Variants in MORF4L1 observed in about 807,000 individuals in gnomAD.
MORF4L1 encodes mortality factor 4 like 1.
Under a neutral mutation model 52.9 loss-of-function variants are expected in MORF4L1, and 4 were observed. That is an observed-to-expected ratio of 0.08 (90% CI 0.04 to 0.17). The LOEUF (loss-of-function observed/expected upper bound fraction) is 0.17. Ranked by LOEUF, MORF4L1 falls within the 10% of genes least tolerant of loss-of-function variation. MORF4L1 has a pLI of 1.00. For missense variants in MORF4L1, 214 were observed against 390.4 expected (o/e 0.55, Z 3.81); for synonymous variants, 123 against 134.8 (o/e 0.91, Z 0.61).
chr15:78,896,308 CTTTT>C lies in MORF4L1; in HGVS notation c.888-655_888-652del, dbSNP rs71148578. The stretch of plus-strand genomic sequence containing the variant: ...ATTTTTTTCTTTTTTCTTTTCTTTT[CTTTT>C]TTTTTTTTTTTTTTTTTTTGAGATG... On this transcript the variant is annotated intron_variant, in intron 11 of 11. Coordinates refer to ENST00000426013, the MANE Select transcript of MORF4L1 (RefSeq NM_006791.4). Among the ~76,000 whole-genome samples the C allele has an allele frequency of 2.3e-3, 188 of 81,450 alleles. 1 individual carries two copies. The East Asian group carries it at 0.03, about 13-fold the overall frequency. 53.4% of individuals were successfully genotyped at this position (81,450 alleles called of 152,430 possible). A position where few individuals can be genotyped will look rare whatever the true frequency, so the allele number is the denominator to read the frequency against.
At chr15:78,884,659 AT>A (rs369351786) in intron 3 of MORF4L1, among the ~76,000 whole-genome samples, 13,272 of 62,022 alleles carry the variant, frequency 0.21, 1,431 homozygotes, top group African/African-American at 0.27. Flanking sequence ...AAAAAAAAAA[AT>A]ACACACACAC....
chr15:78,884,437 C>G (rs1417881523), intron 3 of MORF4L1, among the ~76,000 whole-genome samples: 4 of 151,684 alleles, frequency 2.6e-5, no homozygotes, highest in Non-Finnish European at 5.9e-5. Flanking sequence ...GCTAGGAGTT[C>G]GAGACAAGCC....
Position 78,894,891 on chromosome 15 carries a change from C to T in MORF4L1, c.874C>T (p.His292Tyr). 6.2e-7 allele frequency: 1 copy of T among 1,612,094 alleles called. No individual in the cohort carries two copies. Among genetic ancestry groups the T allele is most frequent in the Non-Finnish European group, 8.5e-7 (1 of 1,178,178 alleles). ...KSLALLLNYLHDFLKYLAKNS... is the reference protein window; with the variant it reads ...KSLALLLNYLYDFLKYLAKNS... ...CCTTGCTTTATTACTCAATTATCTT[C>T]ACGATTTCCTAAAGTAAGTCTGTGC... is the stretch of plus-strand genomic sequence containing the variant. Residue 292 changes from histidine to tyrosine, a missense_variant, in exon 11 of 12, where the codon CAC becomes TAC. Physicochemically the swap from His to Tyr is moderately conservative, Grantham distance 83. This residue lies in a region of MORF4L1 where 68 missense variants were observed against 171.6 expected (regional missense o/e 0.40). Coordinates refer to ENST00000426013, the MANE Select transcript of MORF4L1 (RefSeq NM_006791.4).
chr15:78,876,020 C>G (rs1055138712), intron 1 of MORF4L1, among the ~76,000 whole-genome samples: 5 of 151,690 alleles, frequency 3.3e-5, no homozygotes, highest in African/African-American at 1.2e-4. Context: ...TCACTGCAGC[C>G]TCCGCCTCCT....
At chr15:78,884,688 A>G (rs967071373) in intron 3 of MORF4L1, among the ~76,000 whole-genome samples, 2 of 150,010 alleles carry the variant, frequency 1.3e-5, no homozygotes, top group East Asian at 1.9e-4. Flanking sequence ...CACACACACA[A>G]ATATCTCAAA....
In MORF4L1 at chr15:78,892,255, C is replaced by T; in HGVS notation, c.482C>T (p.Pro161Leu). The change falls in exon 8 of 12, where the codon CCT (proline) becomes CTT (leucine). Residue 161 changes from proline to leucine, a missense_variant. Pro to Leu is a moderately conservative substitution (Grantham distance 98). This residue lies in a region of MORF4L1 where 68 missense variants were observed against 171.6 expected (regional missense o/e 0.40). Transcript: ENST00000426013. ...MNRVEVKVKI[P>L]EELKPWLVDD... ...AGAGTTGAAGTTAAAGTAAAGATTC[C>T]TGAAGAGCTAAAACCGTGGCTTGTT... 6.2e-7 allele frequency: 1 copy of T among 1,613,460 alleles called. No homozygotes were observed. The highest frequency in any genetic ancestry group is 8.5e-7 in the Non-Finnish European group (1 of 1,179,718).
intron 1 of MORF4L1, chr15:78,873,342 G>C: frequency 1.1e-6 from 1 of 934,560 alleles, no homozygotes; most frequent in South Asian, 2.1e-5. Context: ...GAGGAAGAGG[G>C]CGCGGAGAGA....
intron 11 of MORF4L1, among the ~76,000 whole-genome samples, chr15:78,896,315 T>TTC (rs2056888358): frequency 7.3e-6 from 1 of 137,012 alleles, no homozygotes; most frequent in Non-Finnish European, 1.5e-5. Context: ...TTTCTTTTTT[T>TTC]TTTTTTTTTT....
At chr15:78,893,258 G>A (rs1337578958) in intron 8 of MORF4L1, among the ~76,000 whole-genome samples, 3 of 152,194 alleles carry the variant, frequency 2.0e-5, no homozygotes, top group African/African-American at 7.2e-5. Flanking sequence ...GTCTAGTAGA[G>A]TCTCATTTGG....
chr15:78,873,348 A>G lies in MORF4L1; in HGVS notation c.40+291A>G, dbSNP rs1031579247. Reference sequence around the variant, plus strand: ...TATTGTTCTGAGGAAGAGGGCGCGGAGAGAGCAGCCTATTGTAGGGAGGCG... The same window carrying G: ...TATTGTTCTGAGGAAGAGGGCGCGGGGAGAGCAGCCTATTGTAGGGAGGCG... On this transcript the variant is annotated intron_variant, in intron 1 of 11. Coordinates refer to ENST00000426013, the MANE Select transcript of MORF4L1 (RefSeq NM_006791.4). The G allele has an allele frequency of 2.0e-4, 158 of 784,656 alleles. 2 individuals carry two copies. Among genetic ancestry groups the G allele is most frequent in the Admixed American group, 1.8e-3 (36 of 19,710 alleles). 48.6% of individuals were successfully genotyped at this position (784,656 alleles called of 1,614,324 possible).
intron 10 of MORF4L1, 72 bp downstream of exon 10, chr15:78,894,302 T>G: frequency 8.1e-7 from 1 of 1,235,522 alleles, no homozygotes; most frequent in Non-Finnish European, 1.1e-6. Context: ...AGAGGTAAAG[T>G]AATTAACTTT....
chr15:78,890,622 T>C (rs2056784853), intron 5 of MORF4L1: 1 of 156,628 alleles, frequency 6.4e-6, no homozygotes, highest in Admixed American at 6.5e-5. Flanking sequence ...GCTGGGACTA[T>C]AGGCGTTTGC....
intron 6 of MORF4L1, 27 bp downstream of exon 6, chr15:78,891,041 A>G (rs747715531): frequency 6.8e-7 from 1 of 1,477,116 alleles, no homozygotes; most frequent in Admixed American, 2.0e-5. Context: ...TCTTAACGTT[A>G]ATTTATGTTA....
chr15:78,877,066 A>AGTAGCTG (rs58502726), intron 1 of MORF4L1, among the ~76,000 whole-genome samples: 3 of 147,260 alleles, frequency 2.0e-5, no homozygotes, highest in Non-Finnish European at 4.4e-5. Context: ...CAGCCTCCCG[A>AGTAGCTG]GTAGCTGGTA....
chr15:78,878,034 A>G, intron 1 of MORF4L1, 179 bp from the exon 2 acceptor site: 1 of 482,632 alleles, frequency 2.1e-6, no homozygotes, highest in Non-Finnish European at 3.6e-6. Flanking sequence ...TCGGATACCA[A>G]CGTGTTTTTG....
intron 11 of MORF4L1, among the ~76,000 whole-genome samples, chr15:78,895,165 A>G (rs997231097): frequency 6.6e-6 from 1 of 152,248 alleles, no homozygotes; most frequent in Non-Finnish European, 1.5e-5. Context: ...GAAGAAAACA[A>G]AGCCACACTT....
intron 1 of MORF4L1, chr15:78,876,502 G>C: frequency 2.2e-6 from 1 of 455,712 alleles, no homozygotes; most frequent in Middle Eastern, 3.3e-4. Flanking sequence ...AAAATACTAG[G>C]GCCTCGTAGC....
At chr15:78,886,333 A>G in intron 4 of MORF4L1, 106 bp downstream of exon 4, 1 of 974,800 alleles carries the variant, frequency 1.0e-6, no homozygotes, top group Non-Finnish European at 1.6e-6. Context: ...CTATAAAATG[A>G]TTCCTGGTAC....
At chr15:78,885,037 GT>G (rs2056675005) in intron 3 of MORF4L1, 1 of 1,614,038 alleles carries the variant, frequency 6.2e-7, no homozygotes, top group East Asian at 2.2e-5. Flanking sequence ...CCTTTTTCCT[GT>G]TCCTGAAGGA....
Sources: gnomAD v4.1 joint callset for allele counts (sites outside exome capture counted in the v4.1 genomes callset) on GRCh38, gnomAD v4.1.1 for gene constraint, gnomAD v4.1.1 regional missense constraint, MANE v1.5 for transcripts, NCBI Gene and HGNC (gene_info 2026-07-23, HGNC 2026-07-21) for gene names.